Variants in NKAIN2 observed in about 807,000 individuals in gnomAD.
NKAIN2 encodes the protein sodium/potassium transporting ATPase interacting 2, also known as sodium/potassium-transporting ATPase subunit beta-1-interacting protein 2.
A neutral mutation model predicts 32.6 loss-of-function variants in NKAIN2; 14 were observed. The observed-to-expected ratio is 0.43, with a 90% CI of 0.28 to 0.67. NKAIN2 has a LOEUF of 0.67. Ranked by LOEUF, NKAIN2 falls within the 30% of genes least tolerant of loss-of-function variation. The probability of loss-of-function intolerance (pLI) is 0.17; values close to 1 mark genes in which losing one functional copy is unlikely to be tolerated. For missense variants in NKAIN2, 198 were observed against 258.3 expected (o/e 0.77, Z 1.60); for synonymous variants, 80 against 87.2 (o/e 0.92, Z 0.46).
At chr6:124,014,435 T>C (rs1780475455) in intron 1 of NKAIN2, among the ~76,000 whole-genome samples, 1 of 152,106 alleles carries the variant, frequency 6.6e-6, no homozygotes, top group Non-Finnish European at 1.5e-5. Flanking sequence ...TTACAAGTTG[T>C]TGTTTTTTTC....
Position 123,804,249 on chromosome 6 carries a change from C to A in NKAIN2, c.49C>A (p.Gln17Lys). ...RCTLIFICGM[Q>K]LVCVLERQIF... ...CACGCTTATCTTTATCTGTGGCATG[C>A]AACTGGTAAGTGACACTTGGGTCCC... Residue 17 changes from glutamine to lysine, a missense_variant, in exon 1 of 7, where the codon CAA becomes AAA. Transcript: ENST00000368417. 6.2e-7 allele frequency: 1 copy of A among 1,613,380 alleles called. No homozygotes were observed. The highest frequency in any genetic ancestry group is 8.5e-7 in the Non-Finnish European group (1 of 1,179,378).
intron 1 of NKAIN2, among the ~76,000 whole-genome samples, chr6:124,034,812 T>G (rs1739019963): frequency 6.6e-6 from 1 of 152,110 alleles, no homozygotes; most frequent in Admixed American, 6.6e-5. Flanking sequence ...TAATAGACAT[T>G]CTGACTGCTG....
intron 3 of NKAIN2, among the ~76,000 whole-genome samples, chr6:124,489,002 G>A (rs912809400): frequency 6.6e-6 from 1 of 151,770 alleles, no homozygotes; most frequent in Middle Eastern, 3.2e-3. Context: ...AATAAATATT[G>A]GTTTCAGCCC....
chr6:124,751,851 T>TAAAC (rs1163768862), intron 4 of NKAIN2, among the ~76,000 whole-genome samples: 1 of 151,104 alleles, frequency 6.6e-6, no homozygotes, highest in Non-Finnish European at 1.5e-5. Flanking sequence ...AATAAATAAA[T>TAAAC]ACCTGTAGTC....
intron 2 of NKAIN2, among the ~76,000 whole-genome samples, chr6:124,328,718 T>C (rs1797523628): frequency 6.6e-6 from 1 of 152,144 alleles, no homozygotes; most frequent in South Asian, 2.1e-4. Context: ...ATTACAGGAA[T>C]GGTAAGCAGG....
Position 124,434,729 on chromosome 6 carries a change from A to G in NKAIN2, c.273+79382A>G, listed in dbSNP as rs186847403. On this transcript the variant is annotated intron_variant, in intron 3 of 6. Transcript: ENST00000368417. ...GCAAAAATGTTTCTTTTATATGAGT[A>G]TGATGCCAGTTGCTGGCTACCAGTC... Among the ~76,000 whole-genome samples, 24 of 152,312 alleles carry G rather than the reference A, an allele frequency of 1.6e-4. 1 individual carries two copies. Among genetic ancestry groups the G allele is most frequent in the Admixed American group, 9.8e-4 (15 of 15,284 alleles).
At chr6:124,466,933 T>C (rs1776783502) in intron 3 of NKAIN2, among the ~76,000 whole-genome samples, 1 of 152,132 alleles carries the variant, frequency 6.6e-6, no homozygotes, top group Non-Finnish European at 1.5e-5. Context: ...GAAGAGTAGT[T>C]ATATTAGCAA....
intron 1 of NKAIN2, among the ~76,000 whole-genome samples, chr6:124,079,965 T>G (rs1783879364): frequency 6.6e-6 from 1 of 150,932 alleles, no homozygotes; most frequent in South Asian, 2.1e-4. Context: ...GAAAAAACTT[T>G]GTCCTCAGAG....
At chr6:123,886,775 G>A (rs574004201) in intron 1 of NKAIN2, among the ~76,000 whole-genome samples, 211 of 152,234 alleles carry the variant, frequency 1.4e-3, no homozygotes, top group Non-Finnish European at 2.4e-3. Context: ...AAAACATTTT[G>A]TCAGTTGCCC....
chr6:124,145,587 G>A (rs545959285), intron 1 of NKAIN2, among the ~76,000 whole-genome samples: 5 of 152,142 alleles, frequency 3.3e-5, no homozygotes, highest in African/African-American at 1.2e-4. Context: ...CTCACTGCAA[G>A]CTCCACCTCC....
intron 5 of NKAIN2, among the ~76,000 whole-genome samples, chr6:124,797,823 G>A (rs999266709): frequency 2.0e-5 from 3 of 151,968 alleles, no homozygotes; most frequent in African/African-American, 7.3e-5. Flanking sequence ...CATGGGAGCA[G>A]GGAAAACTAT....
chr6:124,054,977 G>T (rs934392080), intron 1 of NKAIN2, among the ~76,000 whole-genome samples: 2 of 151,990 alleles, frequency 1.3e-5, no homozygotes, highest in East Asian at 3.9e-4. Flanking sequence ...AAAGGTAAAT[G>T]ATCTTTGTTA....
rs547003376 is a variant in NKAIN2 at position 124,079,942 on chromosome 6, A to C, written c.55-203063A>C. Reference sequence around the variant, plus strand: ...GGTTGGGGGGTGGCATTTGGATGGAAAAAAAAAAAAGGGAAAAAACTTTGT... The same window carrying C: ...GGTTGGGGGGTGGCATTTGGATGGACAAAAAAAAAAGGGAAAAAACTTTGT... On this transcript the variant is annotated intron_variant, in intron 1 of 6. Transcript: ENST00000368417. 1.5e-3 allele frequency among the ~76,000 whole-genome samples: 225 copies of C among 148,646 alleles called. 1 individual carries two copies. Among genetic ancestry groups the C allele is most frequent in the Admixed American group, 0.011 (165 of 14,852 alleles).
At chr6:124,507,516 A>G (rs1272327628) in intron 3 of NKAIN2, among the ~76,000 whole-genome samples, 1 of 152,164 alleles carries the variant, frequency 6.6e-6, no homozygotes, top group East Asian at 1.9e-4. Flanking sequence ...TAGTCAGCGT[A>G]TCCATCTTTA....
intron 1 of NKAIN2, among the ~76,000 whole-genome samples, chr6:123,854,259 C>A (rs1371024697): frequency 6.6e-6 from 1 of 152,186 alleles, no homozygotes; most frequent in African/African-American, 2.4e-5. Flanking sequence ...GATACTGATT[C>A]TGTCAGTGCC....
Position 124,276,718 on chromosome 6 carries a change from C to T in NKAIN2, c.55-6287C>T, listed in dbSNP as rs1795052452. ...CAATCTTGTAAAGAGCACAGCAGCT[C>T]AACAATATTATAAAGACCTAGAATA... is the stretch of plus-strand genomic sequence containing the variant. On this transcript the variant is annotated intron_variant, in intron 1 of 6. Coordinates refer to ENST00000368417, the MANE Select transcript of NKAIN2 (RefSeq NM_001040214.3). Among the ~76,000 whole-genome samples, 3 of 152,014 alleles carry T rather than the reference C, an allele frequency of 2.0e-5. No individual in the cohort carries two copies. The South Asian group carries it at 6.2e-4, about 32-fold the overall frequency.
intron 2 of NKAIN2, among the ~76,000 whole-genome samples, chr6:124,313,646 C>T (rs545484934): frequency 6.6e-6 from 1 of 152,090 alleles, no homozygotes; most frequent in Non-Finnish European, 1.5e-5. Context: ...AAGAGGTAAA[C>T]TCCTCTTACT....
chr6:124,819,880 G>A (rs1184642026), intron 6 of NKAIN2, among the ~76,000 whole-genome samples: 1 of 152,056 alleles, frequency 6.6e-6, no homozygotes, highest in African/African-American at 2.4e-5. Context: ...CAGTCTGATA[G>A]CTCCCCTTAG....
intron 6 of NKAIN2, chr6:124,819,231 G>T (rs1164599064): frequency 2.9e-6 from 1 of 346,956 alleles, no homozygotes; most frequent in Non-Finnish European, 4.1e-6. Flanking sequence ...TGTGTTTGTT[G>T]TCGTTGTCCT....
Sources: allele counts gnomAD v4.1 joint callset (sites outside exome capture counted in the v4.1 genomes callset), GRCh38; gene constraint gnomAD v4.1.1; transcripts MANE v1.5; gene names NCBI Gene and HGNC (gene_info 2026-07-23, HGNC 2026-07-21).